The following PTCHD1 variants were observed in gnomAD, a reference collection of about 807,000 sequenced individuals.
The protein encoded by PTCHD1 is patched domain containing 1.
In PTCHD1, 3 loss-of-function variants were observed where a neutral mutation model predicts 34.6. That is an observed-to-expected ratio of 0.09 (90% CI 0.04 to 0.22). The LOEUF is 0.22. Ranked by LOEUF, PTCHD1 falls within the 10% of genes least tolerant of loss-of-function variation. PTCHD1 has a pLI of 1.00. For synonymous variants in PTCHD1, 305 were observed against 283.1 expected, an observed-to-expected ratio of 1.08 and a Z score of -0.77; for missense variants, 504 against 685.5, an observed-to-expected ratio of 0.74 and a Z score of 2.96.
intron 1 of PTCHD1, among the ~76,000 whole-genome samples, chrX:23,375,611 T>C (rs1432498697): frequency 8.9e-6 from 1 of 111,829 alleles, no homozygotes; most frequent in Non-Finnish European, 1.9e-5. Flanking sequence ...CACCCCCAAG[T>C]TGTCTTCATG....
At position 23,357,988 on chromosome X, in the gene PTCHD1, C is replaced by T. The variant is rs145380821; in HGVS notation, c.352-21603C>T. ...TCCATGTCCCTACAAAGGACATGAA[C>T]TCATCTTTTTTGTGGCTCCATAGTA... On this transcript the variant is annotated intron_variant, in intron 1 of 2. Coordinates refer to ENST00000379361, the MANE Select transcript of PTCHD1 (RefSeq NM_173495.3). Among the ~76,000 whole-genome samples, 861 of 111,764 alleles carry T rather than the reference C, an allele frequency of 7.7e-3. 9 individuals carry two copies. The highest frequency in any genetic ancestry group is 0.019 in the African/African-American group (571 of 30,712).
intron 1 of PTCHD1, among the ~76,000 whole-genome samples, chrX:23,375,678 G>A (rs1255486351): frequency 2.7e-5 from 3 of 111,801 alleles, no homozygotes; most frequent in African/African-American, 6.5e-5. Context: ...TAAGACTTGA[G>A]AATCAGGTCT....
Position 23,345,438 on chromosome X carries a change from G to A in PTCHD1, c.351+10212G>A, listed in dbSNP as rs753928551. ...GTCTGCAGACCACATTTTGAGTAGA[G>A]CAGTAGATTAGTGGATCTAAGGAAC... On this transcript the variant is annotated intron_variant, in intron 1 of 2. Transcript: ENST00000379361. Among the ~76,000 whole-genome samples, 13 of 112,353 alleles carry A rather than the reference G, an allele frequency of 1.2e-4. No individual in the cohort carries two copies. In the East Asian group the frequency reaches 2.5e-3, roughly 22 times the overall value.
chrX:23,357,479 T>C (rs1601906838), intron 1 of PTCHD1, among the ~76,000 whole-genome samples: 1 of 110,970 alleles, frequency 9.0e-6, no homozygotes, highest in African/African-American at 3.3e-5. Flanking sequence ...ACAAACTAAA[T>C]ATATGCCTAC....
chrX:23,334,819 C>T (rs1359097206), upstream of PTCHD1: 1 of 829,902 alleles, frequency 1.2e-6, no homozygotes, highest in Non-Finnish European at 1.5e-6. Flanking sequence ...GCCGCCGCCG[C>T]CCGAACCCGC....
chrX:23,347,526 A>T (rs950200393), intron 1 of PTCHD1, among the ~76,000 whole-genome samples: 2 of 112,443 alleles, frequency 1.8e-5, no homozygotes, highest in African/African-American at 6.5e-5. Context: ...CCCCTAGATT[A>T]ACATAAATCT....
intron 2 of PTCHD1, 95 bp from the exon 3 acceptor site, chrX:23,392,436 T>C (rs1049574286): frequency 3.4e-6 from 2 of 596,475 alleles, no homozygotes; most frequent in Non-Finnish European, 5.7e-6. Context: ...TGATTACGTT[T>C]CCTTTGACCC....
rs1923044909 is a variant in PTCHD1, at chrX:23,398,445, A to C, written c.*4260A>C. 9.0e-6 allele frequency: 1 copy of C among 111,261 alleles called. No individual in the cohort carries two copies. Among genetic ancestry groups the C allele is most frequent in the African/African-American group, 3.3e-5 (1 of 30,562 alleles). The allele number at this position is 111,261 out of a possible 1,213,427, so 9.2% of individuals were successfully genotyped here. A position where few individuals can be genotyped will look rare whatever the true frequency, so the allele number is the denominator to read the frequency against. ...GCATCATACTATGATCTTTGAAAAA[A>C]ACAGATACAGGCACTTGCTTTTGGG... On this transcript the variant is annotated 3_prime_UTR_variant, in exon 3 of 3. Coordinates refer to ENST00000379361, the MANE Select transcript of PTCHD1 (RefSeq NM_173495.3).
chrX:23,358,489 GGGTT>G (rs1172151059), intron 1 of PTCHD1, among the ~76,000 whole-genome samples: 2 of 111,577 alleles, frequency 1.8e-5, no homozygotes, highest in South Asian at 7.6e-4. Context: ...CTTTTTGATG[GGGTT>G]GTTTGTTTTT....
chrX:23,392,443 A>G (rs1158915893), intron 2 of PTCHD1, 88 bp from the exon 3 acceptor site: 2 of 621,705 alleles, frequency 3.2e-6, no homozygotes, highest in African/African-American at 4.4e-5. Context: ...GTTTCCTTTG[A>G]CCCAGTAGTC....
intron 1 of PTCHD1, among the ~76,000 whole-genome samples, chrX:23,377,188 G>A (rs918609786): frequency 1.8e-5 from 2 of 112,117 alleles, no homozygotes; most frequent in Admixed American, 9.4e-5. Context: ...GACATATTTA[G>A]TAATCACTTT....
intron 1 of PTCHD1, among the ~76,000 whole-genome samples, chrX:23,377,335 C>T (rs1265705297): frequency 8.9e-6 from 1 of 112,346 alleles, no homozygotes; most frequent in African/African-American, 3.2e-5. Context: ...TATCAAAACT[C>T]TCTCTTGTCT....
chrX:23,394,133 A>G lies in PTCHD1; in HGVS notation c.2615A>G (p.Glu872Gly), dbSNP rs1922908257. 3 of 1,210,493 alleles carry G rather than the reference A, an allele frequency of 2.5e-6. No homozygotes were observed. Among genetic ancestry groups the G allele is most frequent in the Non-Finnish European group, 3.4e-6 (3 of 894,867 alleles). Residue 872 changes from glutamate to glycine, a missense_variant, in exon 3 of 3, where the codon GAA becomes GGA. Physicochemically the swap from Glu to Gly is moderately conservative, Grantham distance 98. Transcript: ENST00000379361. ...AACCGGGAGGAAATTGAGTGTGTAG[A>G]AATGGTAGATATCGATAGTACCCGT... Reference protein sequence around the residue: ...PENREEIECVEMVDIDSTRVV... With the variant: ...PENREEIECVGMVDIDSTRVV...
At position 23,400,995 on chromosome X, in the gene PTCHD1, A is replaced by T. The variant is rs1054538351; in HGVS notation, c.*6810A>T. 1 of 108,353 alleles carries T rather than the reference A, an allele frequency of 9.2e-6. No individual in the cohort carries two copies. The highest frequency in any genetic ancestry group is 9.8e-5 in the Admixed American group (1 of 10,211). The allele number at this position is 108,353 out of a possible 1,213,427, so 8.9% of individuals were successfully genotyped here. A position where few individuals can be genotyped will look rare whatever the true frequency, so the allele number is the denominator to read the frequency against. On this transcript the variant is annotated 3_prime_UTR_variant, in exon 3 of 3. Coordinates refer to ENST00000379361, the MANE Select transcript of PTCHD1 (RefSeq NM_173495.3). ...CTCAGCCTCCTGAGTAGCTGGGACT[A>T]CAGGTGCCCGCCACCGCGCCCGGCT...
rs1172406528 is a variant in PTCHD1, at chrX:23,399,427, G to A, written c.*5242G>A. 1 of 111,151 alleles carries A rather than the reference G, an allele frequency of 9.0e-6. No homozygotes were observed. The highest frequency in any genetic ancestry group is 1.9e-5 in the Non-Finnish European group (1 of 53,079). The allele number at this position is 111,151 out of a possible 1,213,427, so 9.2% of individuals were successfully genotyped here. On this transcript the variant is annotated 3_prime_UTR_variant, in exon 3 of 3. Coordinates refer to ENST00000379361, the MANE Select transcript of PTCHD1 (RefSeq NM_173495.3). The stretch of plus-strand genomic sequence containing the variant: ...AAATGTGTGTATATGTTCAACATGT[G>A]CATTTTCCTAAACTGAGGGCTCAGA...
intron 2 of PTCHD1, among the ~76,000 whole-genome samples, chrX:23,383,786 A>T (rs1336417633): frequency 8.9e-6 from 1 of 112,019 alleles, no homozygotes; most frequent in East Asian, 2.8e-4. Flanking sequence ...TTTTTTAGTT[A>T]CTCTAATTTG....
rs753417984 is a variant in PTCHD1 at position 23,371,141 on chromosome X, CCAGA to C, written c.352-8447_352-8444del. Among the ~76,000 whole-genome samples, 17 of 111,852 alleles carry C rather than the reference CCAGA, an allele frequency of 1.5e-4. No homozygotes were observed. In the Admixed American group the frequency reaches 1.6e-3, roughly 11 times the overall value. ...GTTTAACCTAATACTAAATGCCAGG[CCAGA>C]CACCTTTTATAGGTAATCATAATGA... is the stretch of plus-strand genomic sequence containing the variant. On this transcript the variant is annotated intron_variant, in intron 1 of 2. Coordinates refer to ENST00000379361, the MANE Select transcript of PTCHD1 (RefSeq NM_173495.3).
chrX:23,370,996 G>C (rs1022542844), intron 1 of PTCHD1, among the ~76,000 whole-genome samples: 1 of 111,123 alleles, frequency 9.0e-6, no homozygotes, highest in Non-Finnish European at 1.9e-5. Flanking sequence ...CAGGACTCTT[G>C]GGGAGGAGGA....
intron 1 of PTCHD1, among the ~76,000 whole-genome samples, chrX:23,362,018 C>T (rs1921999768): frequency 2.7e-5 from 3 of 112,431 alleles, no homozygotes; most frequent in South Asian, 3.7e-4. Context: ...CGGAGAGATC[C>T]GCTGATAGTC....
Sources: allele counts gnomAD v4.1 joint callset (sites outside exome capture counted in the v4.1 genomes callset), GRCh38; gene constraint gnomAD v4.1.1; transcripts MANE v1.5; gene names NCBI Gene and HGNC (gene_info 2026-07-23, HGNC 2026-07-21).